Variants in ABLIM2 observed in about 807,000 individuals in gnomAD.
ABLIM2 encodes the protein actin binding LIM protein family member 2.
In ABLIM2, 53 loss-of-function variants were observed where a neutral mutation model predicts 97.7. That is an observed-to-expected ratio of 0.54 (90% CI 0.44 to 0.68). The LOEUF (loss-of-function observed/expected upper bound fraction) is 0.68. Ranked by LOEUF, ABLIM2 falls within the 30% of genes least tolerant of loss-of-function variation. ABLIM2 has a pLI of 0.00. For missense variants in ABLIM2, 835 were observed against 867.2 expected (o/e 0.96, Z 0.47); for synonymous variants, 361 against 345.8 (o/e 1.04, Z -0.49).
intron 9 of ABLIM2, among the ~76,000 whole-genome samples, chr4:8,041,166 C>A (rs1293130186): frequency 6.6e-6 from 1 of 152,242 alleles, no homozygotes; most frequent in Non-Finnish European, 1.5e-5. Flanking sequence ...CAAGTGCATG[C>A]CCCACTGGTG....
At chr4:8,026,792 C>G (rs1174698504) in intron 12 of ABLIM2, among the ~76,000 whole-genome samples, 1 of 152,198 alleles carries the variant, frequency 6.6e-6, no homozygotes, top group African/African-American at 2.4e-5. Context: ...GGTGTGGCTT[C>G]TCCTGAGACT....
chr4:7,978,393 G>C (rs559698819), intron 20 of ABLIM2, among the ~76,000 whole-genome samples: 1 of 152,302 alleles, frequency 6.6e-6, no homozygotes, highest in South Asian at 2.1e-4. Context: ...GTTTTAAAAG[G>C]ATACATTTAC....
intron 17 of ABLIM2, chr4:7,989,520 T>C: frequency 1.5e-6 from 1 of 684,322 alleles, no homozygotes; most frequent in East Asian, 1.3e-4. Flanking sequence ...GCCTCCATAA[T>C]GAATTAGTGT....
Position 8,005,508 on chromosome 4 carries a change from G to A in ABLIM2, c.1618+2551C>T, listed in dbSNP as rs1212988782. ...GTGTGCAAATGGAACTGGTGCCCAC[G>A]GACTCAGGTCTGGGGGCTACTTGGT... On this transcript the variant is annotated intron_variant, in intron 16 of 20. Coordinates refer to ENST00000447017, the MANE Select transcript of ABLIM2 (RefSeq NM_001130083.2). This position sits in a 1 kb window ranked among gnomAD's most constrained non-coding sequence, Gnocchi z 4.9. 12 of 516,984 alleles carry A rather than the reference G, an allele frequency of 2.3e-5. No homozygotes were observed. Among genetic ancestry groups the A allele is most frequent in the South Asian group, 5.6e-5 (4 of 71,398 alleles). The allele number at this position is 516,984 out of a possible 1,614,324, so 32.0% of individuals were successfully genotyped here.
rs1820500678 is a variant in ABLIM2, at chr4:8,082,390, A to G, written c.455-1588T>C. Among the ~76,000 whole-genome samples the G allele has an allele frequency of 6.6e-6, 1 of 152,322 alleles. No individual in the cohort carries two copies. Among genetic ancestry groups the G allele is most frequent in the East Asian group, 1.9e-4 (1 of 5,182 alleles). The stretch of plus-strand genomic sequence containing the variant: ...CCGGATCCAGTGCTAATTTACACAG[A>G]AGACCTGGCCCAAAGCCTTGCGCAT... On this transcript the variant is annotated intron_variant, in intron 4 of 20. Transcript: ENST00000447017. This position sits in a 1 kb window ranked among gnomAD's most constrained non-coding sequence, Gnocchi z 5.6.
Position 8,150,939 on chromosome 4 carries a change from T to G in ABLIM2, c.10+7741A>C, listed in dbSNP as rs921152070. On this transcript the variant is annotated intron_variant, in intron 1 of 20. Transcript: ENST00000447017. The surrounding 1 kb of genome is among the most constrained non-coding windows in gnomAD (Gnocchi z 6.3). ...CGACGTCAGGTTTGTCCCTGAGCTG[T>G]GAAGGGTATTTACAGCTGTGACAAA... 6.6e-6 allele frequency among the ~76,000 whole-genome samples: 1 copy of G among 152,080 alleles called. No homozygotes were observed. Among genetic ancestry groups the G allele is most frequent in the Admixed American group, 6.6e-5 (1 of 15,256 alleles).
At chr4:8,146,722 A>T (rs1319628531) in intron 1 of ABLIM2, among the ~76,000 whole-genome samples, 1 of 151,958 alleles carries the variant, frequency 6.6e-6, no homozygotes, top group Non-Finnish European at 1.5e-5. Flanking sequence ...TAGAGGCGGG[A>T]TCTCACTATG....
rs1412553134 is a variant in ABLIM2 at position 8,091,603 on chromosome 4, TATATTATGTATAATTTTATATAAAATTA to T, written c.339-3347_339-3320del. On this transcript the variant is annotated intron_variant, in intron 3 of 20. Transcript: ENST00000447017. ...ATATAAAATTATATATATAATTATATATATTATGTATAATTTTATATAAAATTATATATATAATTTTATATATTATATA... is the reference window on the plus strand; with the variant it reads ...ATATAAAATTATATATATAATTATATTATATATAATTTTATATATTATATA... Among the ~76,000 whole-genome samples, 23 of 60,356 alleles carry T rather than the reference TATATTATGTATAATTTTATATAAAATTA, an allele frequency of 3.8e-4. 3 individuals carry two copies. In the South Asian group the frequency reaches 8.2e-3, roughly 22 times the overall value. The allele number at this position is 60,356 out of a possible 152,430, so 39.6% of individuals were successfully genotyped here.
At position 8,033,981 on chromosome 4, in the gene ABLIM2, G is replaced by A. The variant is rs1782623345; in HGVS notation, c.1047+2168C>T. Among the ~76,000 whole-genome samples the A allele has an allele frequency of 6.6e-6, 1 of 152,200 alleles. No individual in the cohort carries two copies. Among genetic ancestry groups the A allele is most frequent in the South Asian group, 2.1e-4 (1 of 4,836 alleles). On this transcript the variant is annotated intron_variant, in intron 10 of 20. Coordinates refer to ENST00000447017, the MANE Select transcript of ABLIM2 (RefSeq NM_001130083.2). The surrounding 1 kb of genome is among the most constrained non-coding windows in gnomAD (Gnocchi z 4.5). ...ACTCAAACCAGGAAGGGGTGTGCCC[G>A]ATGCCCCAAGGCTGCCAGGAGGTGG...
At chr4:8,030,370 G>C (rs1397243222) in intron 10 of ABLIM2, among the ~76,000 whole-genome samples, 1 of 152,192 alleles carries the variant, frequency 6.6e-6, no homozygotes, top group Non-Finnish European at 1.5e-5. Flanking sequence ...ATGGCACGGG[G>C]GAGAGCAGGC....
At chr4:8,059,710 C>T (rs1354485238) in intron 7 of ABLIM2, among the ~76,000 whole-genome samples, 4 of 151,688 alleles carry the variant, frequency 2.6e-5, no homozygotes, top group Non-Finnish European at 4.4e-5. Flanking sequence ...GAGACTAGCC[C>T]GACCAACATG....
chr4:8,029,394 G>T (rs996555694), intron 11 of ABLIM2, among the ~76,000 whole-genome samples: 10 of 152,154 alleles, frequency 6.6e-5, no homozygotes, highest in Admixed American at 5.9e-4. Context: ...TAGGCTGTGT[G>T]CTCCACGGAG....
chr4:8,109,337 C>T (rs1446303813), intron 1 of ABLIM2, among the ~76,000 whole-genome samples: 1 of 152,240 alleles, frequency 6.6e-6, no homozygotes, highest in Non-Finnish European at 1.5e-5. Flanking sequence ...AAACACCTGC[C>T]CCCCTTCATT....
At chr4:7,997,304 T>A (rs1178783435) in intron 16 of ABLIM2, among the ~76,000 whole-genome samples, 2 of 152,192 alleles carry the variant, frequency 1.3e-5, no homozygotes, top group African/African-American at 2.4e-5. Flanking sequence ...TCTCTTGATC[T>A]CGTGATCCGC....
intron 20 of ABLIM2, among the ~76,000 whole-genome samples, chr4:7,969,960 C>T (rs1726446849): frequency 6.6e-6 from 1 of 152,206 alleles, no homozygotes; most frequent in African/African-American, 2.4e-5. Context: ...CAGACCGCGT[C>T]TCTTAAGACA....
At chr4:8,119,660 C>G (rs1482015340) in intron 1 of ABLIM2, among the ~76,000 whole-genome samples, 1 of 152,124 alleles carries the variant, frequency 6.6e-6, no homozygotes, top group Non-Finnish European at 1.5e-5. Context: ...CTTAAAATCA[C>G]CAAAGAAAAT....
chr4:8,043,277 G>A lies in ABLIM2; in HGVS notation c.900+1887C>T, dbSNP rs189106941. On this transcript the variant is annotated intron_variant, in intron 9 of 20. Transcript: ENST00000447017. The surrounding 1 kb of genome is among the most constrained non-coding windows in gnomAD (Gnocchi z 4.8). ...CTTTTCTCTTGTGAACTTGTCTCTC[G>A]TTATAGGAGTGTCAGCTGTGACCCT... Among the ~76,000 whole-genome samples the A allele has an allele frequency of 1.1e-3, 173 of 152,298 alleles. 1 individual carries two copies. Among genetic ancestry groups the A allele is most frequent in the Admixed American group, 2.7e-3 (41 of 15,290 alleles).
chr4:8,148,569 C>A lies in ABLIM2; in HGVS notation c.10+10111G>T, dbSNP rs73077912. 0.022 allele frequency among the ~76,000 whole-genome samples: 3,398 copies of A among 151,232 alleles called. 129 individuals are homozygous for A. Among genetic ancestry groups the A allele is most frequent in the African/African-American group, 0.078 (3,219 of 41,032 alleles). On this transcript the variant is annotated intron_variant, in intron 1 of 20. Transcript: ENST00000447017. This position sits in a 1 kb window ranked among gnomAD's most constrained non-coding sequence, Gnocchi z 6.7. ...AATACTGGTAGTCCCGAGCAAGGAG[C>A]TCTGATGTAAGGATTATAGGGTGAA... is the stretch of plus-strand genomic sequence containing the variant.
intron 1 of ABLIM2, among the ~76,000 whole-genome samples, chr4:8,129,597 AC>A (rs1316784022): frequency 6.6e-6 from 1 of 152,122 alleles, no homozygotes; most frequent in Admixed American, 6.5e-5. Context: ...AAAACTTGAC[AC>A]CCCATCCCAA....
Sources: gnomAD v4.1 joint callset for allele counts (sites outside exome capture counted in the v4.1 genomes callset) on GRCh38, gnomAD v4.1.1 for gene constraint, Gnocchi (gnomAD v3.1) non-coding constraint, MANE v1.5 for transcripts, NCBI Gene and HGNC (gene_info 2026-07-23, HGNC 2026-07-21) for gene names.